The following DNAAF4 variants were observed in gnomAD, a reference collection of about 807,000 sequenced individuals.
DNAAF4 encodes dynein assembly factor 4, axonemal.
DNAAF4 carries 43 observed loss-of-function variants against 51.8 expected under a neutral mutation model. The ratio of observed to expected loss-of-function variants is 0.83; its 90% CI spans 0.65 to 1.07. DNAAF4 has a LOEUF of 1.07. Among genes scored for constraint, DNAAF4 ranks in the 50% least tolerant of loss-of-function variants. The probability of loss-of-function intolerance (pLI) is 0.00; values close to 1 mark genes in which losing one functional copy is unlikely to be tolerated. For synonymous variants in DNAAF4, 194 were observed against 165.6 expected (o/e 1.17, Z -1.32); for missense variants, 581 against 493.0 (o/e 1.18, Z -1.69).
chr15:55,486,936 C>T (rs1162218748), intron 4 of DNAAF4, among the ~76,000 whole-genome samples: 1 of 152,052 alleles, frequency 6.6e-6, no homozygotes, highest in Non-Finnish European at 1.5e-5. Context: ...AAAATTTCTC[C>T]ATCTTAACAA....
chr15:55,492,633 G>C (rs1489657282), intron 3 of DNAAF4, among the ~76,000 whole-genome samples: 2 of 151,886 alleles, frequency 1.3e-5, no homozygotes, highest in Non-Finnish European at 2.9e-5. Context: ...CCCGCCTCCT[G>C]GGTTCAAGCA....
At chr15:55,470,544 G>A (rs1045464228) in intron 4 of DNAAF4, among the ~76,000 whole-genome samples, 1 of 138,572 alleles carries the variant, frequency 7.2e-6, no homozygotes, top group African/African-American at 2.6e-5. Context: ...GCATGACTGG[G>A]TTTTTTTTTT....
chr15:55,497,683 A>G (rs2058659151), intron 3 of DNAAF4, 29 bp downstream of exon 3: 1 of 1,586,438 alleles, frequency 6.3e-7, no homozygotes, highest in Non-Finnish European at 8.6e-7. Flanking sequence ...AGGTACAACC[A>G]GATGAACATC....
intron 5 of DNAAF4, among the ~76,000 whole-genome samples, chr15:55,462,032 G>A (rs958776212): frequency 1.3e-5 from 2 of 152,092 alleles, no homozygotes; most frequent in Non-Finnish European, 2.9e-5. Context: ...AAAACCTACA[G>A]GAGATGGATA....
chr15:55,505,793 G>C (rs988287942), intron 1 of DNAAF4, among the ~76,000 whole-genome samples: 2 of 152,190 alleles, frequency 1.3e-5, no homozygotes, highest in African/African-American at 4.8e-5. Context: ...GGGAGGGATA[G>C]CGTTAGGAGA....
chr15:55,430,304 A>T, downstream of DNAAF4: 1 of 826,646 alleles, frequency 1.2e-6, no homozygotes, highest in Non-Finnish European at 1.5e-6. Flanking sequence ...AATACAAACA[A>T]AAGTTATTTA....
chr15:55,464,011 G>A (rs1337078714), intron 5 of DNAAF4, among the ~76,000 whole-genome samples: 8 of 152,060 alleles, frequency 5.3e-5, no homozygotes, highest in African/African-American at 1.4e-4. Flanking sequence ...GCAAGACTAA[G>A]CAAAAAGAAC....
At chr15:55,477,992 C>T (rs185609754) in intron 4 of DNAAF4, among the ~76,000 whole-genome samples, 5 of 152,152 alleles carry the variant, frequency 3.3e-5, no homozygotes, top group African/African-American at 7.2e-5. Context: ...CCAGCTCCCA[C>T]GGAGGAGCTC....
chr15:55,490,675 C>T lies in DNAAF4; in HGVS notation c.405+448G>A, dbSNP rs146913170. Among the ~76,000 whole-genome samples the T allele has an allele frequency of 7.9e-3, 1,208 of 152,246 alleles. 14 individuals are homozygous for T. Among genetic ancestry groups the T allele is most frequent in the African/African-American group, 0.027 (1,137 of 41,530 alleles). On this transcript the variant is annotated intron_variant, in intron 4 of 9. Transcript: ENST00000321149. ...TCAGATTTCAAGAACAAACATGGGC[C>T]GGGCACGGTGGCTCACGCCTCTAAT...
chr15:55,434,828 A>G, intron 8 of DNAAF4, 77 bp downstream of exon 8: 1 of 1,183,054 alleles, frequency 8.5e-7, no homozygotes, highest in South Asian at 2.4e-5. Context: ...TCAACTGAAC[A>G]GAAAAAGATC....
chr15:55,430,275 G>C (rs1156482819), downstream of DNAAF4: 2 of 570,640 alleles, frequency 3.5e-6, no homozygotes, highest in African/African-American at 4.1e-5. Context: ...CAACCATTCA[G>C]TCAATTAAAT....
At chr15:55,435,639 C>T (rs2057595908) in intron 7 of DNAAF4, among the ~76,000 whole-genome samples, 1 of 152,136 alleles carries the variant, frequency 6.6e-6, no homozygotes, top group South Asian at 2.1e-4. Flanking sequence ...TTATATAAGA[C>T]AATAAATTCC....
intron 7 of DNAAF4, chr15:55,418,630 T>A (rs924935297): frequency 1.4e-5 from 16 of 1,162,120 alleles, no homozygotes; most frequent in Non-Finnish European, 1.9e-5. Context: ...GTGTTAAATC[T>A]AAGGGTAGAA....
chr15:55,466,439 ATTAAT>A (rs1228610844), intron 5 of DNAAF4, among the ~76,000 whole-genome samples: 2 of 152,154 alleles, frequency 1.3e-5, no homozygotes, highest in East Asian at 1.9e-4. Flanking sequence ...AAAAAATTAT[ATTAAT>A]TTATCTGTTT....
chr15:55,477,165 C>T (rs1285626446), intron 4 of DNAAF4, among the ~76,000 whole-genome samples: 1 of 150,298 alleles, frequency 6.7e-6, no homozygotes, highest in Non-Finnish European at 1.5e-5. Flanking sequence ...GAATGAAACT[C>T]CAACTCAAAA....
At chr15:55,444,447 C>A (rs1022215235) in intron 6 of DNAAF4, among the ~76,000 whole-genome samples, 1 of 152,146 alleles carries the variant, frequency 6.6e-6, no homozygotes, top group Non-Finnish European at 1.5e-5. Context: ...GTTACTGTAG[C>A]CTTGTAGTGT....
At chr15:55,502,542 T>A (rs1405581188) in intron 1 of DNAAF4, among the ~76,000 whole-genome samples, 1 of 152,174 alleles carries the variant, frequency 6.6e-6, no homozygotes. Context: ...TAAATTTGTA[T>A]GTTTTTTGTA....
downstream of DNAAF4, among the ~76,000 whole-genome samples, chr15:55,425,384 G>A (rs542194061): frequency 3.9e-5 from 6 of 152,186 alleles, no homozygotes; most frequent in African/African-American, 1.4e-4. Flanking sequence ...TTTTCTCTTG[G>A]TAATTTTCCA....
At chr15:55,427,685 G>C (rs1009538322), downstream of DNAAF4, among the ~76,000 whole-genome samples, 3 of 151,236 alleles carry the variant, frequency 2.0e-5, no homozygotes, top group Non-Finnish European at 4.4e-5. Context: ...GTCCAGGCTG[G>C]AGTGCAATGG....
Sources: allele counts gnomAD v4.1 joint callset (sites outside exome capture counted in the v4.1 genomes callset), GRCh38; gene constraint gnomAD v4.1.1; transcripts MANE v1.5; gene names NCBI Gene and HGNC (gene_info 2026-07-23, HGNC 2026-07-21).